Variants in MCMBP observed in about 807,000 individuals in gnomAD.
The protein encoded by MCMBP is mini-chromosome maintenance complex-binding protein.
A neutral mutation model predicts 81.3 loss-of-function variants in MCMBP; 31 were observed. The ratio of observed to expected loss-of-function variants is 0.38; its 90% CI spans 0.29 to 0.51. The LOEUF (loss-of-function observed/expected upper bound fraction) is 0.51, where lower values mean the gene tolerates loss of function less well. Among genes scored for constraint, MCMBP ranks in the 20% least tolerant of loss-of-function variants. The pLI, the probability that MCMBP is intolerant of heterozygous loss-of-function variation, is 0.87. For synonymous variants in MCMBP, 267 were observed against 275.9 expected (o/e 0.97, Z 0.32); for missense variants, 645 against 772.1 (o/e 0.84, Z 1.95).
rs560034487 is a variant in MCMBP at position 119,841,319 on chromosome 10, G to T, written c.1125-359C>A. 4.6e-5 allele frequency among the ~76,000 whole-genome samples: 7 copies of T among 152,310 alleles called. No individual in the cohort carries two copies. The South Asian group carries it at 1.2e-3, about 27-fold the overall frequency. ...TGACAGAGCTGGGATATGAATCCGGGTAGTTTGGTTCCAGAGCCTGTGCTC... is the reference window on the plus strand; with the variant it reads ...TGACAGAGCTGGGATATGAATCCGGTTAGTTTGGTTCCAGAGCCTGTGCTC... On this transcript the variant is annotated intron_variant, in intron 10 of 15. Transcript: ENST00000369077.
chr10:119,833,043 C>T (rs765143769), intron 14 of MCMBP, among the ~76,000 whole-genome samples: 3 of 152,190 alleles, frequency 2.0e-5, no homozygotes, highest in Non-Finnish European at 2.9e-5. Flanking sequence ...TTGTAAATTG[C>T]ATGGCTAAGT....
chr10:119,843,036 A>T (rs1194349744), intron 9 of MCMBP: 3 of 514,674 alleles, frequency 5.8e-6, no homozygotes, highest in African/African-American at 1.9e-5. Context: ...TACAGGCGTG[A>T]GCCACTGCAC....
At chr10:119,832,665 T>C (rs558475124) in intron 14 of MCMBP, among the ~76,000 whole-genome samples, 1 of 152,190 alleles carries the variant, frequency 6.6e-6, no homozygotes, top group Non-Finnish European at 1.5e-5. Flanking sequence ...CCCGGAGAAC[T>C]GTCATCTGAC....
At chr10:119,845,129 G>A (rs898086004) in intron 8 of MCMBP, among the ~76,000 whole-genome samples, 1 of 152,090 alleles carries the variant, frequency 6.6e-6, no homozygotes, top group East Asian at 1.9e-4. Context: ...AACTAAAGCA[G>A]GAAAGTCATC....
At chr10:119,853,667 T>C (rs979987015) in intron 5 of MCMBP, among the ~76,000 whole-genome samples, 3 of 152,212 alleles carry the variant, frequency 2.0e-5, no homozygotes, top group Admixed American at 6.5e-5. Flanking sequence ...TAAAAGACCC[T>C]GAAGGTTCCA....
At chr10:119,856,730 C>T (rs1180115748) in intron 5 of MCMBP, among the ~76,000 whole-genome samples, 1 of 152,152 alleles carries the variant, frequency 6.6e-6, no homozygotes, top group African/African-American at 2.4e-5. Flanking sequence ...TTCTACAATC[C>T]CCTCTCAAAA....
At chr10:119,844,755 G>A (rs766225332) in intron 8 of MCMBP, among the ~76,000 whole-genome samples, 7 of 152,122 alleles carry the variant, frequency 4.6e-5, no homozygotes, top group African/African-American at 7.3e-5. Flanking sequence ...AGGCAGGCAT[G>A]TAAAGAGCAG....
chr10:119,858,561 G>GA (rs549867760), intron 4 of MCMBP, among the ~76,000 whole-genome samples: 14 of 152,100 alleles, frequency 9.2e-5, no homozygotes, highest in Non-Finnish European at 1.9e-4. Flanking sequence ...AAGAAACAGT[G>GA]AGATTACCAT....
At chr10:119,854,935 A>T (rs1852970843) in intron 5 of MCMBP, among the ~76,000 whole-genome samples, 1 of 151,138 alleles carries the variant, frequency 6.6e-6, no homozygotes, top group Non-Finnish European at 1.5e-5. Flanking sequence ...GCCTGGTGAC[A>T]GAGCAGGACT....
intron 9 of MCMBP, 109 bp from the exon 10 acceptor site, chr10:119,842,704 T>C (rs1259908966): frequency 2.0e-5 from 24 of 1,211,536 alleles, no homozygotes; most frequent in Non-Finnish European, 2.6e-5. Context: ...CGACAGTAGG[T>C]AAAGCTTAAC....
At chr10:119,836,064 G>A (rs1852230913) in intron 13 of MCMBP, among the ~76,000 whole-genome samples, 1 of 152,126 alleles carries the variant, frequency 6.6e-6, no homozygotes, top group Non-Finnish European at 1.5e-5. Context: ...AAAGTTCTGG[G>A]CTCACGCAAT....
At position 119,838,548 on chromosome 10, in the gene MCMBP, C is replaced by T. The variant is rs371212965; in HGVS notation, c.1395G>A (p.Gln465=). ...CTATGTACGTACCTGGGGTATCCAG[C>T]TGCCCCTGTTCCAGGAGAGTCTCAT... The part of the protein sequence containing the change: ...VIDETLLEQG[Q]LDTPGVHNVT... Residue 465 remains glutamine, a synonymous_variant, in exon 12 of 16, where the codon CAG becomes CAA. Coordinates refer to ENST00000369077, the MANE Select transcript of MCMBP (RefSeq NM_001256378.2). 1.8e-4 allele frequency: 284 copies of T among 1,613,820 alleles called. No individual in the cohort carries two copies. Among genetic ancestry groups the T allele is most frequent in the Non-Finnish European group, 2.4e-4 (279 of 1,179,896 alleles).
intron 9 of MCMBP, 160 bp downstream of exon 9, chr10:119,843,094 G>T (rs1341733298): frequency 3.9e-6 from 3 of 778,412 alleles, no homozygotes; most frequent in East Asian, 2.8e-5. Context: ...GAGAATTAAT[G>T]TAAGAGAAAA....
At chr10:119,844,997 T>C (rs1257411269) in intron 8 of MCMBP, among the ~76,000 whole-genome samples, 2 of 152,198 alleles carry the variant, frequency 1.3e-5, no homozygotes, top group African/African-American at 4.8e-5. Context: ...GGATTTTACC[T>C]TGTGATCATG....
chr10:119,864,323 T>A (rs575273525), intron 1 of MCMBP, among the ~76,000 whole-genome samples: 1 of 152,366 alleles, frequency 6.6e-6, no homozygotes, highest in Non-Finnish European at 1.5e-5. Flanking sequence ...GTCACTACAT[T>A]TGTAATTTAT....
At chr10:119,839,980 A>C (rs1171321582) in intron 11 of MCMBP, among the ~76,000 whole-genome samples, 2 of 152,234 alleles carry the variant, frequency 1.3e-5, no homozygotes, top group African/African-American at 4.8e-5. Flanking sequence ...CATTGAAGAG[A>C]TTTGCAAGAA....
intron 1 of MCMBP, among the ~76,000 whole-genome samples, chr10:119,864,487 T>A (rs2134402487): frequency 6.6e-6 from 1 of 150,836 alleles, no homozygotes; most frequent in Non-Finnish European, 1.5e-5. Flanking sequence ...CTAATATTGG[T>A]AATTTGTCTT....
Position 119,853,147 on chromosome 10 carries a change from G to A in MCMBP, c.477C>T (p.Tyr159=), listed in dbSNP as rs1852892750. The change falls in exon 6 of 16, where the codon TAC becomes TAT. Residue 159 remains tyrosine, a synonymous_variant. Transcript: ENST00000369077. The part of the protein sequence containing the change: ...NQARVSPSTS[Y]TPSRHKRSYE... ...AACTCCTCTTGTGGCGACTAGGAGT[G>A]TAGGATGTTGAGGGACTGACTCGAG... 3.1e-6 allele frequency: 5 copies of A among 1,614,218 alleles called. No individual in the cohort carries two copies. Among genetic ancestry groups the A allele is most frequent in the Non-Finnish European group, 4.2e-6 (5 of 1,180,032 alleles).
intron 8 of MCMBP, among the ~76,000 whole-genome samples, chr10:119,844,554 C>G (rs1852554545): frequency 6.6e-6 from 1 of 152,190 alleles, no homozygotes; most frequent in African/African-American, 2.4e-5. Context: ...GGCTGCCTGC[C>G]TGTCTGTGCT....
Sources: allele counts gnomAD v4.1 joint callset (sites outside exome capture counted in the v4.1 genomes callset), GRCh38; gene constraint gnomAD v4.1.1; transcripts MANE v1.5; gene names NCBI Gene and HGNC (gene_info 2026-07-23, HGNC 2026-07-21).